The following ZCCHC24 variants were observed in gnomAD, a reference collection of about 807,000 sequenced individuals.
ZCCHC24 encodes the protein zinc finger CCHC domain-containing protein 24.
Under a neutral mutation model 26.2 loss-of-function variants are expected in ZCCHC24, and 10 were observed. The observed-to-expected ratio is 0.38, with a 90% CI of 0.24 to 0.65. The LOEUF is 0.65. ZCCHC24 is among the 30% of genes least tolerant of loss of function. The pLI, the probability that ZCCHC24 is intolerant of heterozygous loss-of-function variation, is 0.54. For synonymous variants in ZCCHC24, 144 were observed against 147.1 expected (o/e 0.98, Z 0.15); for missense variants, 243 against 329.1 (o/e 0.74, Z 2.03).
intron 1 of ZCCHC24, among the ~76,000 whole-genome samples, chr10:79,442,487 T>C (rs569852507): frequency 7.7e-4 from 117 of 152,166 alleles, no homozygotes; most frequent in African/African-American, 2.6e-3. Context: ...GCTGCATTCA[T>C]GGTGTTTTGC....
intron 2 of ZCCHC24, among the ~76,000 whole-genome samples, chr10:79,427,337 T>A (rs1339191989): frequency 1.3e-5 from 2 of 152,178 alleles, no homozygotes; most frequent in African/African-American, 4.8e-5. Context: ...ATGAACCAAC[T>A]AGACCTAACA....
At chr10:79,436,066 A>T (rs1231995378) in intron 1 of ZCCHC24, among the ~76,000 whole-genome samples, 1 of 152,104 alleles carries the variant, frequency 6.6e-6, no homozygotes, top group Admixed American at 6.5e-5. Context: ...GTCCTGAGAG[A>T]CGCCCCTGGA....
At chr10:79,419,702 G>C (rs921562426) in intron 2 of ZCCHC24, among the ~76,000 whole-genome samples, 2 of 152,192 alleles carry the variant, frequency 1.3e-5, no homozygotes, top group African/African-American at 4.8e-5. Flanking sequence ...AGAAATCAGA[G>C]AGGGCTTCCC....
At chr10:79,392,396 A>G (rs1856490724) in intron 3 of ZCCHC24, among the ~76,000 whole-genome samples, 1 of 151,966 alleles carries the variant, frequency 6.6e-6, no homozygotes, top group Non-Finnish European at 1.5e-5. Context: ...TCTCCCATTC[A>G]CTGAGAAAAC....
At chr10:79,388,336 C>T (rs991634194) in intron 3 of ZCCHC24, among the ~76,000 whole-genome samples, 7 of 152,208 alleles carry the variant, frequency 4.6e-5, no homozygotes, top group Admixed American at 1.3e-4. Context: ...AGGAAGGGCA[C>T]GTTCCCTGCT....
At chr10:79,408,831 A>C (rs1245292504) in intron 2 of ZCCHC24, among the ~76,000 whole-genome samples, 1 of 152,068 alleles carries the variant, frequency 6.6e-6, no homozygotes, top group Non-Finnish European at 1.5e-5. Flanking sequence ...GTCCCTACAC[A>C]CTGCCACCAG....
intron 2 of ZCCHC24, among the ~76,000 whole-genome samples, chr10:79,431,054 T>C (rs1210054802): frequency 6.6e-6 from 1 of 152,224 alleles, no homozygotes; most frequent in Non-Finnish European, 1.5e-5. Context: ...TGGAGAGCAC[T>C]CAGCACAGTG....
At chr10:79,395,002 TC>T (rs1856526668) in intron 2 of ZCCHC24, among the ~76,000 whole-genome samples, 1 of 152,332 alleles carries the variant, frequency 6.6e-6, no homozygotes, top group Non-Finnish European at 1.5e-5. Context: ...TTCTTTTCCC[TC>T]ATGAAAATGG....
intron 2 of ZCCHC24, among the ~76,000 whole-genome samples, chr10:79,398,349 C>T (rs761359289): frequency 6.6e-6 from 1 of 152,212 alleles, no homozygotes; most frequent in Non-Finnish European, 1.5e-5. Flanking sequence ...AAGGACCTGC[C>T]TCCCGGGGCT....
At chr10:79,389,194 T>G (rs1856438400) in intron 3 of ZCCHC24, among the ~76,000 whole-genome samples, 1 of 152,208 alleles carries the variant, frequency 6.6e-6, no homozygotes, top group Admixed American at 6.5e-5. Flanking sequence ...ACCTGCCAGC[T>G]GCACCCACCC....
chr10:79,443,742 A>G (rs1385484504), intron 1 of ZCCHC24, among the ~76,000 whole-genome samples: 1 of 152,256 alleles, frequency 6.6e-6, no homozygotes, highest in African/African-American at 2.4e-5. Context: ...GTCTCTTACA[A>G]GAAAGAAAGA....
At chr10:79,438,771 G>A (rs1857252424) in intron 1 of ZCCHC24, among the ~76,000 whole-genome samples, 1 of 152,240 alleles carries the variant, frequency 6.6e-6, no homozygotes, top group Non-Finnish European at 1.5e-5. Context: ...GGAGCAGACA[G>A]TGCCAGCAGG....
chr10:79,433,225 T>C (rs1857160506), intron 1 of ZCCHC24, among the ~76,000 whole-genome samples: 1 of 152,238 alleles, frequency 6.6e-6, no homozygotes, highest in African/African-American at 2.4e-5. Context: ...CTGACTCAGT[T>C]TCCCCACCTT....
At chr10:79,409,211 C>A (rs564557767) in intron 2 of ZCCHC24, 3 of 152,382 alleles carry the variant, frequency 2.0e-5, no homozygotes, top group Admixed American at 6.5e-5. Flanking sequence ...TGCTTCTGCA[C>A]ACCTCTGGGC....
chr10:79,406,798 T>G (rs530558890), intron 2 of ZCCHC24, among the ~76,000 whole-genome samples: 2 of 152,214 alleles, frequency 1.3e-5, no homozygotes, highest in African/African-American at 4.8e-5. Flanking sequence ...CAACGCCGCA[T>G]GCCTCCTACA....
intron 2 of ZCCHC24, among the ~76,000 whole-genome samples, chr10:79,416,579 C>G (rs1412719433): frequency 6.6e-6 from 1 of 152,234 alleles, no homozygotes; most frequent in Non-Finnish European, 1.5e-5. Flanking sequence ...CTTGACGTCT[C>G]TGAAGACATC....
Position 79,389,424 on chromosome 10 carries a change from G to A in ZCCHC24, c.613-2966C>T, listed in dbSNP as rs117341378. Among the ~76,000 whole-genome samples the A allele has an allele frequency of 4.0e-3, 603 of 152,218 alleles. 2 individuals are homozygous for A. The highest frequency in any genetic ancestry group is 7.0e-3 in the Non-Finnish European group (475 of 68,020). On this transcript the variant is annotated intron_variant, in intron 3 of 3. Transcript: ENST00000372336. ...CAGAGCTTTGCATGCCAGCTCTGCC[G>A]CCTATCAGCTAAGGGCTGTTGGGAA...
At chr10:79,427,076 A>G (rs1373992424) in intron 2 of ZCCHC24, among the ~76,000 whole-genome samples, 1 of 152,190 alleles carries the variant, frequency 6.6e-6, no homozygotes. Context: ...AAACAAAAAA[A>G]AAACAGTTAC....
In ZCCHC24 at chr10:79,427,664, C is replaced by T. The variant is rs532653020; in HGVS notation, c.447+4894G>A. ...ATAAATGAAAATAAGATACAATATA[C>T]CAAAACTTATGGGATGGGGCTCAGA... On this transcript the variant is annotated intron_variant, in intron 2 of 3. Coordinates refer to ENST00000372336, the MANE Select transcript of ZCCHC24 (RefSeq NM_153367.4). Among the ~76,000 whole-genome samples, 145 of 150,648 alleles carry T rather than the reference C, an allele frequency of 9.6e-4. 1 individual carries two copies. The highest frequency in any genetic ancestry group is 3.4e-3 in the African/African-American group (138 of 41,146).
Sources: allele counts gnomAD v4.1 joint callset (sites outside exome capture counted in the v4.1 genomes callset), GRCh38; gene constraint gnomAD v4.1.1; transcripts MANE v1.5; gene names NCBI Gene and HGNC (gene_info 2026-07-23, HGNC 2026-07-21).